KLHL14: variants seen among roughly 807,000 people sequenced by gnomAD.
KLHL14 encodes kelch like family member 14.
Under a neutral mutation model 64.3 loss-of-function variants are expected in KLHL14, and 22 were observed. The observed-to-expected ratio is 0.34, with a 90% CI of 0.24 to 0.49. The LOEUF is 0.49. Ranked by LOEUF, KLHL14 falls within the 20% of genes least tolerant of loss-of-function variation. The pLI is 0.99. For missense variants in KLHL14, 661 were observed against 789.0 expected (o/e 0.84, Z 1.94); for synonymous variants, 322 against 333.4 (o/e 0.97, Z 0.37).
intron 2 of KLHL14, among the ~76,000 whole-genome samples, chr18:32,756,963 T>C (rs903382858): frequency 6.6e-6 from 1 of 152,256 alleles, no homozygotes; most frequent in Non-Finnish European, 1.5e-5. Context: ...ATACTTTTGA[T>C]AATACCTTGT....
chr18:32,672,792 T>A lies in KLHL14; in HGVS notation c.*1865A>T, dbSNP rs535605716. 2 of 152,780 alleles carry A rather than the reference T, an allele frequency of 1.3e-5. No individual in the cohort carries two copies. Among genetic ancestry groups the A allele is most frequent in the East Asian group, 3.9e-4 (2 of 5,194 alleles). 9.5% of individuals were successfully genotyped at this position (152,780 alleles called of 1,614,324 possible). A position where few individuals can be genotyped will look rare whatever the true frequency, so the allele number is the denominator to read the frequency against. On this transcript the variant is annotated 3_prime_UTR_variant, in exon 9 of 9. Transcript: ENST00000359358. ...TATTTATTCACTTTTCACTTTCTAG[T>A]AACTTATGTCTCTCTGAAATACAGA...
intron 2 of KLHL14, among the ~76,000 whole-genome samples, chr18:32,757,851 A>G (rs1398824228): frequency 1.3e-5 from 2 of 152,218 alleles, no homozygotes; most frequent in Non-Finnish European, 2.9e-5. Context: ...CAAGATTTTT[A>G]ATAATAGTCA....
At position 32,769,739 on chromosome 18, in the gene KLHL14, G is replaced by C; in HGVS notation, c.853C>G (p.Arg285Gly). Residue 285 changes from arginine (R) to glycine (G), a missense_variant, in exon 2 of 9, where the codon CGA becomes GGA. Around this residue, in one of 2 missense-constraint regions of KLHL14, gnomAD observed 330 missense variants for 450.0 expected, o/e 0.73. Coordinates refer to ENST00000359358, the MANE Select transcript of KLHL14 (RefSeq NM_020805.3). The part of the protein sequence containing the change: ...VERVQSVDFM[R>G]TDPVCQKLLL... ...AGCTTCTGGCAGACCGGGTCGGTTCGCATGAAATCCACTGACTGGACCCGC... is the reference window on the plus strand; with the variant it reads ...AGCTTCTGGCAGACCGGGTCGGTTCCCATGAAATCCACTGACTGGACCCGC... 1 of 1,600,502 alleles carries C rather than the reference G, an allele frequency of 6.2e-7. No individual in the cohort carries two copies. Among genetic ancestry groups the C allele is most frequent in the Non-Finnish European group, 8.5e-7 (1 of 1,171,670 alleles).
intron 2 of KLHL14, among the ~76,000 whole-genome samples, chr18:32,756,656 T>C (rs890312874): frequency 6.6e-6 from 1 of 152,126 alleles, no homozygotes; most frequent in African/African-American, 2.4e-5. Context: ...CCTGGAAAAA[T>C]CCCAAATCTT....
At chr18:32,769,623 C>T in intron 2 of KLHL14, 22 bp downstream of exon 2, 2 of 1,399,546 alleles carry the variant, frequency 1.4e-6, no homozygotes, top group East Asian at 2.4e-5. Flanking sequence ...CCTCCCCCGC[C>T]CTCCTCTTTG....
At chr18:32,768,551 T>A (rs1018103120) in intron 2 of KLHL14, among the ~76,000 whole-genome samples, 1 of 152,098 alleles carries the variant, frequency 6.6e-6, no homozygotes, top group African/African-American at 2.4e-5. Flanking sequence ...AACACTTTGG[T>A]GGTTAGGCTG....
chr18:32,745,122 G>A (rs777179240), intron 2 of KLHL14: 2 of 152,202 alleles, frequency 1.3e-5, no homozygotes, highest in Non-Finnish European at 2.9e-5. Flanking sequence ...AAGCCATGAT[G>A]TATGGCTTTC....
chr18:32,710,334 A>G (rs2050012950), intron 3 of KLHL14, among the ~76,000 whole-genome samples: 1 of 152,224 alleles, frequency 6.6e-6, no homozygotes, highest in Admixed American at 6.5e-5. Context: ...GAATCAAAAT[A>G]CTATTTTGAG....
At chr18:32,685,104 C>G (rs1021192120) in intron 5 of KLHL14, among the ~76,000 whole-genome samples, 2 of 151,990 alleles carry the variant, frequency 1.3e-5, no homozygotes, top group East Asian at 1.9e-4. Context: ...TAGAAAGAAA[C>G]GTTAAACAGT....
At chr18:32,722,908 C>T (rs1169783242) in intron 3 of KLHL14, among the ~76,000 whole-genome samples, 1 of 152,050 alleles carries the variant, frequency 6.6e-6, no homozygotes, top group East Asian at 1.9e-4. Flanking sequence ...GGAGCCATGA[C>T]CACACCACTG....
At position 32,748,536 on chromosome 18, in the gene KLHL14, A is replaced by AT. The variant is rs564212697; in HGVS notation, c.948-6488dup. On this transcript the variant is annotated intron_variant, in intron 2 of 8. Transcript: ENST00000359358. ...AGGCGCCCGCCATCACGCCTGGCTA[A>AT]TTTTTTGTATATTTAGTAGAGACTG... is the stretch of plus-strand genomic sequence containing the variant. Among the ~76,000 whole-genome samples, 83 of 151,754 alleles carry AT rather than the reference A, an allele frequency of 5.5e-4. No homozygotes were observed. In the East Asian group the frequency reaches 0.013, roughly 24 times the overall value.
chr18:32,771,040 GA>G (rs1341730303), intron 1 of KLHL14: 4 of 334,256 alleles, frequency 1.2e-5, no homozygotes, highest in Non-Finnish European at 1.8e-5. Flanking sequence ...CAGATGAAGG[GA>G]AAGGCCGGGA....
Position 32,673,517 on chromosome 18 carries a change from C to T in KLHL14, c.*1140G>A, listed in dbSNP as rs977602668. On this transcript the variant is annotated 3_prime_UTR_variant, in exon 9 of 9. Transcript: ENST00000359358. ...AGACAACTAGCAATTGCTCGCTTAA[C>T]TGAGTTCAGGCATCTCTGGTGATAA... The T allele has an allele frequency of 2.6e-5, 4 of 152,176 alleles. No homozygotes were observed. The highest frequency in any genetic ancestry group is 7.2e-5 in the African/African-American group (3 of 41,434). 9.4% of individuals were successfully genotyped at this position (152,176 alleles called of 1,614,324 possible).
At chr18:32,739,892 T>G (rs2050186957) in intron 3 of KLHL14, among the ~76,000 whole-genome samples, 1 of 152,174 alleles carries the variant, frequency 6.6e-6, no homozygotes. Context: ...GGTGTAAAGG[T>G]ACAGTCCTTA....
At chr18:32,699,119 C>G (rs2049950696) in intron 3 of KLHL14, among the ~76,000 whole-genome samples, 1 of 152,048 alleles carries the variant, frequency 6.6e-6, no homozygotes, top group Non-Finnish European at 1.5e-5. Context: ...GTCTTTTACC[C>G]CTCCTTCTAC....
chr18:32,771,650 G>A lies in KLHL14; in HGVS notation c.-43-1016C>T, dbSNP rs533459333. Among the ~76,000 whole-genome samples, 218 of 152,204 alleles carry A rather than the reference G, an allele frequency of 1.4e-3. 1 individual carries two copies. Among genetic ancestry groups the A allele is most frequent in the African/African-American group, 5.0e-3 (209 of 41,546 alleles). Reference sequence around the variant, plus strand: ...GTGGGGCTGCGAGGACGCGTTTGGAGAGGGAGCCGGGAGGCCTGGAGGCCG... The same window carrying A: ...GTGGGGCTGCGAGGACGCGTTTGGAAAGGGAGCCGGGAGGCCTGGAGGCCG... On this transcript the variant is annotated intron_variant, in intron 1 of 8. Transcript: ENST00000359358.
intron 2 of KLHL14, among the ~76,000 whole-genome samples, chr18:32,750,378 T>C (rs911669645): frequency 2.0e-4 from 31 of 152,340 alleles, no homozygotes; most frequent in African/African-American, 6.5e-4. Flanking sequence ...ATAGCGATTA[T>C]TATTATGTGT....
At position 32,770,290 on chromosome 18, in the gene KLHL14, TGCG is replaced by T. The variant is rs756627046; in HGVS notation, c.299_301del (p.Pro100del). 2 of 1,588,070 alleles carry T rather than the reference TGCG, an allele frequency of 1.3e-6. No individual in the cohort carries two copies. Among genetic ancestry groups the T allele is most frequent in the Non-Finnish European group, 1.7e-6 (2 of 1,166,910 alleles). On this transcript the variant is annotated inframe_deletion, in exon 2 of 9. Coordinates refer to ENST00000359358, the MANE Select transcript of KLHL14 (RefSeq NM_020805.3). The surrounding 1 kb of genome is among the most constrained non-coding windows in gnomAD (Gnocchi z 6.7). ...GGAAGAAGGAGTCCCGGGCTCCTCC[TGCG>T]GCGGCGGCTGCTGCTGCTGTGACGG...
chr18:32,750,118 C>T (rs1465718301), intron 2 of KLHL14, among the ~76,000 whole-genome samples: 1 of 151,846 alleles, frequency 6.6e-6, no homozygotes, highest in East Asian at 1.9e-4. Flanking sequence ...GAGGGTTCCA[C>T]CATCATGACC....
Sources: gnomAD v4.1 joint callset for allele counts (sites outside exome capture counted in the v4.1 genomes callset) on GRCh38, gnomAD v4.1.1 for gene constraint, gnomAD v4.1.1 regional missense constraint, Gnocchi (gnomAD v3.1) non-coding constraint, MANE v1.5 for transcripts, NCBI Gene and HGNC (gene_info 2026-07-23, HGNC 2026-07-21) for gene names.